The following EYS variants were observed in gnomAD, a reference collection of about 807,000 sequenced individuals.
The protein encoded by EYS is EGF-like photoreceptor maintenance factor, also known as protein eyes shut homolog.
A neutral mutation model predicts 282.1 loss-of-function variants in EYS; 250 were observed. The ratio of observed to expected loss-of-function variants is 0.89; its 90% CI spans 0.80 to 0.98. The LOEUF is 0.98. Among genes scored for constraint, EYS ranks in the 50% least tolerant of loss-of-function variants. EYS has a pLI of 0.00. For synonymous variants in EYS, 1,355 were observed against 1,282.9 expected (o/e 1.06, Z -1.20); for missense variants, 4,016 against 3,709.0 (o/e 1.08, Z -2.15).
chr6:65,287,172 C>G (rs7742031), intron 12 of EYS, among the ~76,000 whole-genome samples: 3,329 of 151,362 alleles, frequency 0.022, 112 homozygotes, highest in African/African-American at 0.076. Flanking sequence ...TTAGATGAAA[C>G]AGAATCAGAA....
At chr6:64,108,778 T>C (rs531008524) in intron 31 of EYS, among the ~76,000 whole-genome samples, 6 of 152,216 alleles carry the variant, frequency 3.9e-5, no homozygotes, top group Admixed American at 3.9e-4. Context: ...TTGAAGACTT[T>C]GTCTGTTATT....
chr6:64,418,074 TAGG>T (rs1269300573), intron 28 of EYS, among the ~76,000 whole-genome samples: 3 of 152,118 alleles, frequency 2.0e-5, no homozygotes, highest in African/African-American at 7.2e-5. Context: ...AGTGGTGACA[TAGG>T]AGAAATTTTA....
chr6:63,966,591 G>A (rs1374990597), intron 35 of EYS, among the ~76,000 whole-genome samples: 1 of 152,186 alleles, frequency 6.6e-6, no homozygotes. Flanking sequence ...AGCAGTAAAG[G>A]GTGAAAGTAT....
chr6:65,188,200 G>A (rs1200206586), intron 12 of EYS, among the ~76,000 whole-genome samples: 1 of 151,570 alleles, frequency 6.6e-6, no homozygotes, highest in Non-Finnish European at 1.5e-5. Flanking sequence ...CATTAACCTA[G>A]CTCTAGAAGT....
intron 22 of EYS, among the ~76,000 whole-genome samples, chr6:64,662,646 C>A (rs1185509): frequency 6.6e-6 from 1 of 152,132 alleles, no homozygotes; most frequent in Non-Finnish European, 1.5e-5. Flanking sequence ...CTATTATAGG[C>A]TAAATCAAAT....
chr6:63,986,742 A>C (rs1336014346), intron 34 of EYS, among the ~76,000 whole-genome samples: 1 of 151,756 alleles, frequency 6.6e-6, no homozygotes, highest in Admixed American at 6.6e-5. Context: ...GCTTATGAAC[A>C]CAAAGAAGGA....
chr6:64,748,150 T>C (rs983562353), intron 22 of EYS, among the ~76,000 whole-genome samples: 1 of 152,214 alleles, frequency 6.6e-6, no homozygotes, highest in African/African-American at 2.4e-5. Flanking sequence ...CCAAGAACAT[T>C]ATTCAGGGTA....
At chr6:64,107,311 AT>A (rs1773062361) in intron 31 of EYS, among the ~76,000 whole-genome samples, 1 of 136,756 alleles carries the variant, frequency 7.3e-6, no homozygotes, top group Non-Finnish European at 1.5e-5. Context: ...ATATATATAT[AT>A]ATAAAGGGGA....
Position 65,426,206 on chromosome 6 carries a change from C to T in EYS, c.863-20839G>A, listed in dbSNP as rs541818761. Among the ~76,000 whole-genome samples, 94 of 152,094 alleles carry T rather than the reference C, an allele frequency of 6.2e-4. 2 individuals are homozygous for T. In the South Asian group the frequency reaches 0.012, roughly 19 times the overall value. On this transcript the variant is annotated intron_variant, in intron 5 of 42. Transcript: ENST00000503581. ...GTTGCTTAGGCTGGTTTCAAACTTA[C>T]GGCCTCAAGGGATCCTACCTTGGCC...
At chr6:65,223,662 C>A (rs924636427) in intron 12 of EYS, among the ~76,000 whole-genome samples, 9 of 152,082 alleles carry the variant, frequency 5.9e-5, no homozygotes, top group South Asian at 2.1e-4. Flanking sequence ...CTAAGAACAG[C>A]ACCTTATATC....
chr6:64,052,310 CAT>C (rs1163248220), intron 33 of EYS, among the ~76,000 whole-genome samples: 8 of 152,050 alleles, frequency 5.3e-5, no homozygotes, highest in African/African-American at 1.7e-4. Flanking sequence ...GAGCAACTCA[CAT>C]GTGGTATTTT....
chr6:64,408,991 T>A (rs1554157286), intron 28 of EYS, among the ~76,000 whole-genome samples: 1 of 152,080 alleles, frequency 6.6e-6, no homozygotes, highest in Non-Finnish European at 1.5e-5. Flanking sequence ...ATTGTTCTTT[T>A]TGTTTCCAAG....
chr6:64,669,373 G>C (rs138162763), intron 22 of EYS, among the ~76,000 whole-genome samples: 7 of 152,148 alleles, frequency 4.6e-5, no homozygotes, highest in Non-Finnish European at 1.0e-4. Context: ...AAGAGAGAGA[G>C]AGATAGGTTT....
chr6:64,818,599 A>G (rs1172153430), intron 21 of EYS, among the ~76,000 whole-genome samples: 1 of 152,142 alleles, frequency 6.6e-6, no homozygotes, highest in Admixed American at 6.6e-5. Flanking sequence ...AGCCCCTGAC[A>G]AACCACTGGT....
At chr6:64,154,313 G>T (rs1460138566) in intron 31 of EYS, among the ~76,000 whole-genome samples, 1 of 151,930 alleles carries the variant, frequency 6.6e-6, no homozygotes, top group African/African-American at 2.4e-5. Context: ...GGTGGTACAT[G>T]CCTGTAGTCC....
chr6:65,403,766 T>C (rs1186400573), intron 6 of EYS, among the ~76,000 whole-genome samples: 2 of 152,004 alleles, frequency 1.3e-5, no homozygotes, highest in African/African-American at 4.8e-5. Context: ...TATGAATTAA[T>C]AGTTAAGCAT....
chr6:65,353,605 G>T lies in EYS; in HGVS notation c.1312C>A (p.Pro438Thr). ...CAACATGGATTTTTTGTGCACCCTGGAATGCATACATACTGCAAAAAGGAA... is the reference window on the plus strand; with the variant it reads ...CAACATGGATTTTTTGTGCACCCTGTAATGCATACATACTGCAAAAAGGAA... ...IIGRFKYVCI[P>T]GCTKNPCWFL... The change falls in exon 9 of 43, where the codon CCA (proline) becomes ACA (threonine). Residue 438 changes from proline to threonine, a missense_variant. Coordinates refer to ENST00000503581, the MANE Select transcript of EYS (RefSeq NM_001142800.2). 6.2e-7 allele frequency: 1 copy of T among 1,612,534 alleles called. No homozygotes were observed. Among genetic ancestry groups the T allele is most frequent in the Non-Finnish European group, 8.5e-7 (1 of 1,178,970 alleles).
chr6:64,540,835 T>C (rs1433783952), intron 26 of EYS, among the ~76,000 whole-genome samples: 3 of 152,136 alleles, frequency 2.0e-5, no homozygotes, highest in Non-Finnish European at 4.4e-5. Context: ...CAATTTTATA[T>C]TACATGGCAA....
At chr6:64,567,153 A>T (rs940661089) in intron 26 of EYS, among the ~76,000 whole-genome samples, 1 of 143,238 alleles carries the variant, frequency 7.0e-6, no homozygotes, top group Non-Finnish European at 1.5e-5. Flanking sequence ...ACTAAAAGAA[A>T]AAAAAAAATT....
Sources: gnomAD v4.1 joint callset for allele counts (sites outside exome capture counted in the v4.1 genomes callset) on GRCh38, gnomAD v4.1.1 for gene constraint, MANE v1.5 for transcripts, NCBI Gene and HGNC (gene_info 2026-07-23, HGNC 2026-07-21) for gene names.